Variants in CATSPERE observed in about 807,000 individuals in gnomAD.
CATSPERE encodes the protein catsper channel auxiliary subunit epsilon, also known as cation channel sperm-associated auxiliary subunit epsilon.
CATSPERE carries 93 observed loss-of-function variants against 114.1 expected under a neutral mutation model. The observed-to-expected ratio is 0.81, with a 90% CI of 0.69 to 0.97. CATSPERE has a LOEUF of 0.97. Among genes scored for constraint, CATSPERE ranks in the 50% least tolerant of loss-of-function variants. CATSPERE has a pLI of 0.00. For synonymous variants in CATSPERE, 341 were observed against 384.1 expected (o/e 0.89, Z 1.31); for missense variants, 1,058 against 1,131.6 (o/e 0.93, Z 0.93).
chr1:244,515,403 G>A, intron 7 of CATSPERE: 1 of 790,222 alleles, frequency 1.3e-6, no homozygotes, highest in African/African-American at 1.9e-5. Context: ...AGGCAGCAGT[G>A]TAGTTTTGAA....
At chr1:244,478,142 T>A (rs1669659953) in intron 4 of CATSPERE, among the ~76,000 whole-genome samples, 167 bp downstream of exon 4, 1 of 152,226 alleles carries the variant, frequency 6.6e-6, no homozygotes, top group African/African-American at 2.4e-5. Context: ...TGTATGTCAA[T>A]TTTTAGATAT....
upstream of CATSPERE, among the ~76,000 whole-genome samples, chr1:244,459,080 CTTTTT>C (rs36076606): frequency 7.4e-6 from 1 of 134,496 alleles, no homozygotes; most frequent in African/African-American, 2.7e-5. Flanking sequence ...CTGGGCTCAG[CTTTTT>C]TTTTTTTTTT....
chr1:244,536,243 C>G (rs1680365530), intron 8 of CATSPERE, among the ~76,000 whole-genome samples: 1 of 151,910 alleles, frequency 6.6e-6, no homozygotes, highest in Non-Finnish European at 1.5e-5. Flanking sequence ...GTGGCACAAG[C>G]ACTCCATTAG....
rs1674561986 is a variant in CATSPERE, at chr1:244,504,751, C to A, written c.429+5672C>A. Among the ~76,000 whole-genome samples, 2 of 152,196 alleles carry A rather than the reference C, an allele frequency of 1.3e-5. No homozygotes were observed. Among genetic ancestry groups the A allele is most frequent in the Non-Finnish European group, 2.9e-5 (2 of 68,042 alleles). On this transcript the variant is annotated intron_variant, in intron 7 of 21. Transcript: ENST00000366534. This position sits in a 1 kb window ranked among gnomAD's most constrained non-coding sequence, Gnocchi z 4.1. ...AGTAAAGTGGCATTCCCATTACGCG[C>A]AATCAAGGGCGCATACAATCATATG...
At chr1:244,451,880 C>G, upstream of CATSPERE, 2 of 1,440,580 alleles carry the variant, frequency 1.4e-6, no homozygotes, top group East Asian at 2.6e-5. The surrounding 1 kb of genome is among the most constrained non-coding windows in gnomAD (Gnocchi z 6.6). Context: ...GCGAACTGAA[C>G]TGCTCTGCGG....
intron 8 of CATSPERE, among the ~76,000 whole-genome samples, chr1:244,522,547 T>A (rs932040742): frequency 6.6e-6 from 1 of 151,786 alleles, no homozygotes; most frequent in African/African-American, 2.4e-5. Context: ...AATACAGGAG[T>A]TGGTTTTTTG....
At chr1:244,565,232 G>C (rs1663264505) in intron 10 of CATSPERE, among the ~76,000 whole-genome samples, 1 of 152,142 alleles carries the variant, frequency 6.6e-6, no homozygotes, top group South Asian at 2.1e-4. Context: ...GTCTCTGCCA[G>C]GTTTTGGTGT....
rs761414069 is a variant in CATSPERE, at chr1:244,572,680, T to TA, written c.1859dup (p.Tyr620Ter). The TA allele has an allele frequency of 1.9e-6, 3 of 1,614,018 alleles. No homozygotes were observed. Among genetic ancestry groups the TA allele is most frequent in the Non-Finnish European group, 2.5e-6 (3 of 1,179,904 alleles). Residue 620 changes from tyrosine (Y) to a stop codon, truncating the protein, a stop_gained and frameshift_variant, in exon 11 of 22, where the codon TAT (tyrosine) becomes TAAT (stop). Coordinates refer to ENST00000366534, the MANE Select transcript of CATSPERE (RefSeq NM_001130957.2). LOFTEE classifies it high-confidence loss of function. The stretch of plus-strand genomic sequence containing the variant: ...CGTCTATCCAGAAAACACTGGTCTG[T>TA]ATGTTATTGTGGAATCTTATGGCCC... ...QIVYPENTGL[Y>*]VIVESYGPKI...
chr1:244,593,682 C>A, intron 17 of CATSPERE, 104 bp downstream of exon 17: 1 of 910,566 alleles, frequency 1.1e-6, no homozygotes, highest in Non-Finnish European at 1.7e-6. Context: ...GTATTTTAGA[C>A]TCTACTCAAT....
chr1:244,566,672 T>G (rs202018011), intron 10 of CATSPERE, among the ~76,000 whole-genome samples: 6 of 117,950 alleles, frequency 5.1e-5, no homozygotes, highest in Non-Finnish European at 1.1e-4. Context: ...TTTTTTTTTT[T>G]TTTTTTTTTT....
intron 1 of CATSPERE, among the ~76,000 whole-genome samples, chr1:244,462,749 T>C (rs1667010448): frequency 6.6e-6 from 1 of 152,160 alleles, no homozygotes. Context: ...ATTATAAAGG[T>C]GACTGATTTC....
chr1:244,559,838 G>A lies in CATSPERE; in HGVS notation c.1030-830G>A, dbSNP rs143929520. ...GGAATTAAAATTTATTAGTCCTACCGATAGAAACAATTTATAAACAAATAA... is the reference window on the plus strand; with the variant it reads ...GGAATTAAAATTTATTAGTCCTACCAATAGAAACAATTTATAAACAAATAA... On this transcript the variant is annotated intron_variant, in intron 9 of 21. Transcript: ENST00000366534. Among the ~76,000 whole-genome samples, 753 of 152,210 alleles carry A rather than the reference G, an allele frequency of 4.9e-3. 8 individuals are homozygous for A. The highest frequency in any genetic ancestry group is 0.018 in the African/African-American group (727 of 41,524).
At chr1:244,582,445 C>T (rs1016560033) in intron 12 of CATSPERE, among the ~76,000 whole-genome samples, 2 of 151,418 alleles carry the variant, frequency 1.3e-5, no homozygotes, top group Non-Finnish European at 2.9e-5. Flanking sequence ...CTCTGTCACC[C>T]AGGCTAGAGT....
intron 1 of CATSPERE, among the ~76,000 whole-genome samples, chr1:244,462,508 C>T (rs898412517): frequency 1.4e-4 from 21 of 152,182 alleles, no homozygotes; most frequent in Admixed American, 3.3e-4. Flanking sequence ...CATCCTTTCA[C>T]TACCAGATCT....
chr1:244,570,612 CTTAA>C (rs1020553193), intron 10 of CATSPERE, among the ~76,000 whole-genome samples: 1 of 152,140 alleles, frequency 6.6e-6, no homozygotes, highest in African/African-American at 2.4e-5. Flanking sequence ...TTAAATCATT[CTTAA>C]TTCTCATTTT....
chr1:244,608,692 C>T, intron 18 of CATSPERE, among the ~76,000 whole-genome samples: 1 of 152,186 alleles, frequency 6.6e-6, no homozygotes, highest in East Asian at 1.9e-4. Flanking sequence ...TCTGCTTTCT[C>T]CTTCTCCCTC....
intron 17 of CATSPERE, chr1:244,598,623 T>C: frequency 2.8e-6 from 1 of 362,654 alleles, no homozygotes; most frequent in Non-Finnish European, 5.7e-6. Flanking sequence ...GCCTCCCTTT[T>C]CCACGGTGTG....
intron 20 of CATSPERE, among the ~76,000 whole-genome samples, chr1:244,618,777 A>G (rs551749726): frequency 1.3e-5 from 2 of 152,272 alleles, no homozygotes; most frequent in African/African-American, 4.8e-5. Flanking sequence ...GGGAAACTCC[A>G]TCTCAAAAAA....
At chr1:244,580,885 C>T (rs1666068548) in intron 11 of CATSPERE, among the ~76,000 whole-genome samples, 1 of 152,042 alleles carries the variant, frequency 6.6e-6, no homozygotes, top group Admixed American at 6.6e-5. Flanking sequence ...CCTGTAATCC[C>T]AGCTACTCGG....
Sources: allele counts gnomAD v4.1 joint callset (sites outside exome capture counted in the v4.1 genomes callset), GRCh38; gene constraint gnomAD v4.1.1; non-coding constraint Gnocchi (gnomAD v3.1); transcripts MANE v1.5; gene names NCBI Gene and HGNC (gene_info 2026-07-23, HGNC 2026-07-21).